The following RFX7 variants were observed in gnomAD, a reference collection of about 807,000 sequenced individuals.
RFX7 encodes the protein regulatory factor X7, also known as DNA-binding protein RFX7.
In RFX7, 26 loss-of-function variants were observed where a neutral mutation model predicts 111.8. That is an observed-to-expected ratio of 0.23 (90% CI 0.17 to 0.32). RFX7 has a LOEUF of 0.32. RFX7 is among the 10% of genes least tolerant of loss of function. The pLI is 1.00. For missense variants in RFX7, 1,573 were observed against 1,772.9 expected (o/e 0.89, Z 2.02); for synonymous variants, 624 against 624.4 (o/e 1.00, Z 0.01).
chr15:56,150,357 C>G (rs547379309), intron 3 of RFX7, among the ~76,000 whole-genome samples: 1 of 152,334 alleles, frequency 6.6e-6, no homozygotes, highest in East Asian at 1.9e-4. Flanking sequence ...CCTGTGTATA[C>G]TGACTAGGAG....
chr15:56,158,091 T>G (rs1209619120), intron 3 of RFX7, among the ~76,000 whole-genome samples: 2 of 152,156 alleles, frequency 1.3e-5, no homozygotes, highest in Non-Finnish European at 2.9e-5. Flanking sequence ...CCATATTACA[T>G]AAGACCTATA....
chr15:56,188,604 T>TA (rs2043066214), intron 2 of RFX7, among the ~76,000 whole-genome samples: 1 of 152,250 alleles, frequency 6.6e-6, no homozygotes, highest in Admixed American at 6.5e-5. Flanking sequence ...ACCTGACTTC[T>TA]ACATAGTAAA....
chr15:56,116,709 C>T (rs1457499342), intron 5 of RFX7, among the ~76,000 whole-genome samples: 1 of 151,974 alleles, frequency 6.6e-6, no homozygotes, highest in East Asian at 1.9e-4. Context: ...GTTAAAACTA[C>T]AATGGAAAAA....
chr15:56,110,297 C>A (rs1449360150), intron 5 of RFX7, among the ~76,000 whole-genome samples: 2 of 82,644 alleles, frequency 2.4e-5, no homozygotes, highest in African/African-American at 8.5e-5. Flanking sequence ...CCTGGCCAGC[C>A]GCCCCGTCCG....
chr15:56,097,511 G>C (rs1348914680), intron 9 of RFX7, among the ~76,000 whole-genome samples: 7 of 152,090 alleles, frequency 4.6e-5, no homozygotes, highest in Admixed American at 4.6e-4. Flanking sequence ...CCAGTACTTT[G>C]GGAGGCCAAG....
In RFX7 at chr15:56,095,250, C is replaced by G. The variant is rs1459418424; in HGVS notation, c.2478G>C (p.Met826Ile). 6.8e-6 allele frequency: 11 copies of G among 1,613,724 alleles called. No homozygotes were observed. Among genetic ancestry groups the G allele is most frequent in the Non-Finnish European group, 9.3e-6 (11 of 1,179,790 alleles). The change falls in exon 10 of 10, where the codon ATG becomes ATC. Residue 826 changes from methionine (M) to isoleucine (I), a missense_variant. Physicochemically the swap from Met to Ile is conservative, Grantham distance 10 (BLOSUM62 1). This residue lies in a region of RFX7 where 625 missense variants were observed against 632.2 expected (regional missense o/e 0.99). Coordinates refer to ENST00000559447, the MANE Select transcript of RFX7 (RefSeq NM_022841.7). ...GCTGCTGGCTATATGTGTCCTGTGG[C>G]ATTCCTTCTAATTCCCAAACAGATT... ...LEKSVWELEG[M>I]PQDTYSQQLH...
intron 8 of RFX7, among the ~76,000 whole-genome samples, chr15:56,098,642 A>G (rs1439911289): frequency 6.6e-6 from 1 of 152,246 alleles, no homozygotes; most frequent in African/African-American, 2.4e-5. Context: ...TTCAGTTAAC[A>G]ACAGGATTTT....
chr15:56,208,035 C>G (rs1252025773), intron 2 of RFX7, among the ~76,000 whole-genome samples: 1 of 152,144 alleles, frequency 6.6e-6, no homozygotes, highest in Non-Finnish European at 1.5e-5. Flanking sequence ...CCAGGGAAAT[C>G]CAGTAATCAA....
chr15:56,096,642 T>A, intron 9 of RFX7, 22 bp from the exon 10 acceptor site: 1 of 1,542,936 alleles, frequency 6.5e-7, no homozygotes, highest in Admixed American at 2.0e-5. Flanking sequence ...TAGCAAAAAA[T>A]CAGATTTAAC....
At chr15:56,115,558 T>C (rs1310380117) in intron 5 of RFX7, among the ~76,000 whole-genome samples, 3 of 152,330 alleles carry the variant, frequency 2.0e-5, no homozygotes, top group Non-Finnish European at 2.9e-5. Flanking sequence ...GTGATAAATA[T>C]ATTGATCATA....
At chr15:56,118,816 T>G (rs532621920) in intron 5 of RFX7, among the ~76,000 whole-genome samples, 6 of 152,204 alleles carry the variant, frequency 3.9e-5, no homozygotes, top group Non-Finnish European at 8.8e-5. Flanking sequence ...CCACCAACAG[T>G]GTATGAAGGT....
intron 7 of RFX7, 46 bp from the exon 8 acceptor site, chr15:56,101,612 A>T (rs779332957): frequency 6.8e-7 from 1 of 1,475,262 alleles, no homozygotes; most frequent in Non-Finnish European, 9.4e-7. Context: ...AGACCAGAGA[A>T]ATTAAATTGA....
chr15:56,148,596 C>A (rs979221508), intron 3 of RFX7, among the ~76,000 whole-genome samples: 11 of 152,168 alleles, frequency 7.2e-5, no homozygotes, highest in Non-Finnish European at 1.6e-4. Context: ...AAAATACTGA[C>A]ATAAGAACTA....
At chr15:56,177,599 GTATTTTA>G (rs1288863710) in intron 3 of RFX7, among the ~76,000 whole-genome samples, 5 of 152,004 alleles carry the variant, frequency 3.3e-5, no homozygotes, top group Non-Finnish European at 5.9e-5. Flanking sequence ...TTCTTATTTA[GTATTTTA>G]TAAGTGTCAT....
intron 2 of RFX7, among the ~76,000 whole-genome samples, chr15:56,224,709 A>G (rs2043463664): frequency 6.6e-6 from 1 of 152,054 alleles, no homozygotes; most frequent in Non-Finnish European, 1.5e-5. Flanking sequence ...GGTTTTCATT[A>G]TAAGTAGTAA....
intron 2 of RFX7, among the ~76,000 whole-genome samples, chr15:56,237,166 C>T (rs969522404): frequency 4.6e-5 from 7 of 152,186 alleles, no homozygotes; most frequent in Non-Finnish European, 1.0e-4. Context: ...CCTTCACGGT[C>T]ACTTAGTAAA....
At chr15:56,113,499 C>A (rs1473229529) in intron 5 of RFX7, among the ~76,000 whole-genome samples, 4 of 151,788 alleles carry the variant, frequency 2.6e-5, no homozygotes, top group African/African-American at 7.3e-5. Flanking sequence ...TGGCCTGTTG[C>A]GGGGGCGGTG....
intron 2 of RFX7, among the ~76,000 whole-genome samples, chr15:56,183,652 C>T (rs1011156775): frequency 6.6e-6 from 1 of 152,108 alleles, no homozygotes; most frequent in East Asian, 1.9e-4. Flanking sequence ...GATTGCATGA[C>T]CCCCCTTGTT....
rs2041597494 is a variant in RFX7, at chr15:56,091,670, C to T, written c.*1675G>A. 1 of 152,278 alleles carries T rather than the reference C, an allele frequency of 6.6e-6. No homozygotes were observed. The highest frequency in any genetic ancestry group is 1.5e-5 in the Non-Finnish European group (1 of 67,938). The allele number at this position is 152,278 out of a possible 1,614,324, so 9.4% of individuals were successfully genotyped here. On this transcript the variant is annotated 3_prime_UTR_variant, in exon 10 of 10. Transcript: ENST00000559447. ...GTCTCAATGTACAGTGAAGAAATAA[C>T]TAGCATCAAGAAAAAAATACCTAAC...
Sources: allele counts gnomAD v4.1 joint callset (sites outside exome capture counted in the v4.1 genomes callset), GRCh38; gene constraint gnomAD v4.1.1; regional missense constraint gnomAD v4.1.1; transcripts MANE v1.5; gene names NCBI Gene and HGNC (gene_info 2026-07-23, HGNC 2026-07-21).